The following DLGAP2 variants were observed in gnomAD, a reference collection of about 807,000 sequenced individuals.
DLGAP2 encodes DLG associated protein 2, also known as disks large-associated protein 2.
A neutral mutation model predicts 100.3 loss-of-function variants in DLGAP2; 26 were observed. The ratio of observed to expected loss-of-function variants is 0.26; its 90% CI spans 0.19 to 0.36. The LOEUF (loss-of-function observed/expected upper bound fraction) is 0.36. Ranked by LOEUF, DLGAP2 falls within the 10% of genes least tolerant of loss-of-function variation. The probability of loss-of-function intolerance (pLI) is 1.00; values close to 1 mark genes in which losing one functional copy is unlikely to be tolerated. For synonymous variants in DLGAP2, 886 were observed against 630.1 expected, an observed-to-expected ratio of 1.41 and a Z score of -6.08; for missense variants, 1,858 against 1,453.2, an observed-to-expected ratio of 1.28 and a Z score of -4.53.
chr8:885,222 G>A (rs902002429), intron 1 of DLGAP2, among the ~76,000 whole-genome samples: 6 of 152,142 alleles, frequency 3.9e-5, no homozygotes, highest in African/African-American at 1.2e-4. Context: ...CTGGCAGTAC[G>A]GCCATTTTCA....
At chr8:1,240,458 GTTCTCTCACATGGCACCATGTCTAGTT>G in intron 2 of DLGAP2, among the ~76,000 whole-genome samples, 1 of 143,078 alleles carries the variant, frequency 7.0e-6, no homozygotes. Context: ...GCCATGTCTA[GTTCTCTCACATGGCACCATGTCTAGTT>G]TTCTCTCACA....
intron 2 of DLGAP2, among the ~76,000 whole-genome samples, chr8:1,097,866 G>A (rs1446829781): frequency 6.7e-6 from 1 of 150,108 alleles, no homozygotes; most frequent in African/African-American, 2.5e-5. Context: ...CTGTGGCATG[G>A]AGAGGTCCCC....
At chr8:1,078,782 T>C (rs74766410) in intron 2 of DLGAP2, among the ~76,000 whole-genome samples, 2,397 of 152,320 alleles carry the variant, frequency 0.016, 57 homozygotes, top group African/African-American at 0.055. Flanking sequence ...TGTCTGAATG[T>C]ACCATAGTTT....
intron 2 of DLGAP2, among the ~76,000 whole-genome samples, chr8:923,149 G>A (rs952272497): frequency 1.3e-5 from 2 of 152,104 alleles, no homozygotes; most frequent in Non-Finnish European, 2.9e-5. Flanking sequence ...GGTTATCCGG[G>A]CTGTGTCATA....
intron 2 of DLGAP2, among the ~76,000 whole-genome samples, chr8:1,121,187 G>T (rs1428527535): frequency 1.0e-5 from 1 of 95,940 alleles, no homozygotes; most frequent in Non-Finnish European, 2.1e-5. Flanking sequence ...ATGACCACCC[G>T]TCCTCCCCTT....
rs140999999 is a variant in DLGAP2 at position 747,423 on chromosome 8, A to T, written c.18+9598A>T. 3.7e-3 allele frequency among the ~76,000 whole-genome samples: 568 copies of T among 151,768 alleles called. 8 individuals carry two copies. Among genetic ancestry groups the T allele is most frequent in the Admixed American group, 0.024 (362 of 15,282 alleles). ...GCCTCGCTTAGGCATCTTTGGTCCC[A>T]AGTTCCAGAAACAAGCTCTGGCTGA... On this transcript the variant is annotated intron_variant, in intron 1 of 14. Coordinates refer to ENST00000637795, the MANE Select transcript of DLGAP2 (RefSeq NM_001346810.2).
chr8:1,202,133 T>A (rs111072063), intron 2 of DLGAP2, among the ~76,000 whole-genome samples: 2 of 145,832 alleles, frequency 1.4e-5, no homozygotes, highest in South Asian at 4.2e-4. Flanking sequence ...GTGTGTCTGT[T>A]GTGTGTGTAT....
At chr8:1,278,410 A>C (rs528288473) in intron 3 of DLGAP2, among the ~76,000 whole-genome samples, 3 of 152,264 alleles carry the variant, frequency 2.0e-5, no homozygotes, top group African/African-American at 7.2e-5. Flanking sequence ...CAATTACTTT[A>C]CCTGTTGTTG....
intron 2 of DLGAP2, among the ~76,000 whole-genome samples, chr8:1,025,273 C>T (rs941475532): frequency 4.6e-5 from 7 of 152,238 alleles, no homozygotes; most frequent in African/African-American, 1.4e-4. Flanking sequence ...CACACTCCCC[C>T]GACCTGGATC....
intron 6 of DLGAP2, among the ~76,000 whole-genome samples, chr8:1,598,686 T>A (rs1187223449): frequency 6.6e-6 from 1 of 152,240 alleles, no homozygotes; most frequent in African/African-American, 2.4e-5. Flanking sequence ...TTGTAGTTTG[T>A]ATTTCTGTGG....
intron 3 of DLGAP2, among the ~76,000 whole-genome samples, chr8:1,276,365 C>T (rs1033062331): frequency 2.0e-5 from 3 of 151,944 alleles, no homozygotes; most frequent in African/African-American, 2.4e-5. Flanking sequence ...AGATTCGCGT[C>T]GGGCACTATC....
At chr8:1,125,286 C>A (rs966719331) in intron 2 of DLGAP2, among the ~76,000 whole-genome samples, 1 of 152,204 alleles carries the variant, frequency 6.6e-6, no homozygotes, top group Non-Finnish European at 1.5e-5. Flanking sequence ...TACTTCCAGC[C>A]TCCAGAACGT....
chr8:1,455,607 C>T (rs745953238), intron 3 of DLGAP2, among the ~76,000 whole-genome samples: 1 of 152,226 alleles, frequency 6.6e-6, no homozygotes, highest in Admixed American at 6.5e-5. Flanking sequence ...GAGCGCACCT[C>T]ATCTTTGAGC....
chr8:1,640,390 G>A (rs1015013750), intron 8 of DLGAP2, among the ~76,000 whole-genome samples: 4 of 152,032 alleles, frequency 2.6e-5, no homozygotes, highest in Non-Finnish European at 4.4e-5. Flanking sequence ...CTGACATCAC[G>A]TCTCCAACCC....
chr8:1,376,768 A>C (rs113294974), intron 3 of DLGAP2, among the ~76,000 whole-genome samples: 1 of 124,780 alleles, frequency 8.0e-6, no homozygotes, highest in Non-Finnish European at 1.7e-5. Flanking sequence ...GGACAGGGCT[A>C]CCGAGACCCT....
chr8:1,668,484 G>T lies in DLGAP2; in HGVS notation c.1966G>T (p.Asp656Tyr). ...RAQRMSPWPQ[D>Y]SRGLYNSTDS... The stretch of plus-strand genomic sequence containing the variant: ...ACAGAGGATGTCCCCGTGGCCCCAG[G>T]ACAGCCGCGGCCTCTACAACTCCAC... The change falls in exon 9 of 15, where the codon GAC becomes TAC. Residue 656 changes from aspartate to tyrosine, a missense_variant. Physicochemically the swap from Asp to Tyr is radical, Grantham distance 160. Transcript: ENST00000637795. The T allele has an allele frequency of 6.3e-7, 1 of 1,593,284 alleles. No homozygotes were observed. The highest frequency in any genetic ancestry group is 8.5e-7 in the Non-Finnish European group (1 of 1,170,940).
chr8:1,123,737 C>T (rs1309932331), intron 2 of DLGAP2, among the ~76,000 whole-genome samples: 3 of 152,138 alleles, frequency 2.0e-5, no homozygotes, highest in African/African-American at 7.2e-5. Context: ...GTGTCTCTCC[C>T]TGCCTTTCTC....
At chr8:1,347,129 T>C (rs539685241) in intron 3 of DLGAP2, among the ~76,000 whole-genome samples, 4 of 152,082 alleles carry the variant, frequency 2.6e-5, no homozygotes, top group African/African-American at 9.6e-5. Context: ...CAGAGCTGCA[T>C]TGCTCTCATG....
At chr8:794,344 G>A (rs111560133) in intron 1 of DLGAP2, among the ~76,000 whole-genome samples, 6,197 of 152,232 alleles carry the variant, frequency 0.041, 273 homozygotes, top group Admixed American at 0.13. Flanking sequence ...CAGAAATATA[G>A]AGGTGTGAGG....
Sources: allele counts gnomAD v4.1 joint callset (sites outside exome capture counted in the v4.1 genomes callset), GRCh38; gene constraint gnomAD v4.1.1; transcripts MANE v1.5; gene names NCBI Gene and HGNC (gene_info 2026-07-23, HGNC 2026-07-21).